The following ZNF804B variants were observed in gnomAD, a reference collection of about 807,000 sequenced individuals.
The protein encoded by ZNF804B is zinc finger protein 804B, also known as zinc finger 804B.
Under a neutral mutation model 101.4 loss-of-function variants are expected in ZNF804B, and 80 were observed. That is an observed-to-expected ratio of 0.79 (90% CI 0.66 to 0.95). ZNF804B has a LOEUF of 0.95. Ranked by LOEUF, ZNF804B falls within the 40% of genes least tolerant of loss-of-function variation. The pLI is 0.00. For missense variants in ZNF804B, 1,673 were observed against 1,561.9 expected (o/e 1.07, Z -1.20); for synonymous variants, 622 against 558.8 (o/e 1.11, Z -1.59).
At chr7:89,027,229 C>A (rs1488742092) in intron 1 of ZNF804B, among the ~76,000 whole-genome samples, 1 of 151,712 alleles carries the variant, frequency 6.6e-6, no homozygotes, top group Non-Finnish European at 1.5e-5. Flanking sequence ...TGTTTAAATG[C>A]TGCAGAAAAA....
At chr7:89,129,709 A>C (rs576243972) in intron 1 of ZNF804B, among the ~76,000 whole-genome samples, 222 of 152,152 alleles carry the variant, frequency 1.5e-3, no homozygotes, top group African/African-American at 5.0e-3. Flanking sequence ...TTAGAATGTT[A>C]GGCATAGAGA....
chr7:89,189,541 A>G (rs1788425022), intron 1 of ZNF804B, among the ~76,000 whole-genome samples: 1 of 152,166 alleles, frequency 6.6e-6, no homozygotes. Flanking sequence ...GTTATTTTTT[A>G]GGAATCCTCA....
chr7:88,932,452 C>A (rs1026766229), intron 1 of ZNF804B, among the ~76,000 whole-genome samples: 14 of 151,362 alleles, frequency 9.2e-5, no homozygotes, highest in South Asian at 4.2e-4. Context: ...ATAAATGAAA[C>A]AAAAAGCTGA....
chr7:89,090,515 A>G (rs1250997472), intron 1 of ZNF804B, among the ~76,000 whole-genome samples: 4 of 152,088 alleles, frequency 2.6e-5, no homozygotes, highest in Non-Finnish European at 5.9e-5. Flanking sequence ...AACCCAAAAT[A>G]TTGTATATAG....
chr7:89,257,784 C>T (rs1444636665), intron 2 of ZNF804B, among the ~76,000 whole-genome samples: 2 of 152,078 alleles, frequency 1.3e-5, no homozygotes, highest in African/African-American at 4.8e-5. Context: ...ATCAAGTTGG[C>T]TCTGGTTTCT....
chr7:89,212,023 C>A (rs1320359055), intron 1 of ZNF804B, among the ~76,000 whole-genome samples: 4 of 152,052 alleles, frequency 2.6e-5, no homozygotes, highest in Admixed American at 2.6e-4. Flanking sequence ...AGTTACTTGA[C>A]CAGTGGTTTG....
At chr7:88,794,083 C>G (rs1790428790) in intron 1 of ZNF804B, 1 of 939,090 alleles carries the variant, frequency 1.1e-6, no homozygotes, top group South Asian at 1.9e-5. Context: ...TTGCAATGTT[C>G]TGTTTCTTTT....
chr7:88,829,198 C>T (rs1006620058), intron 1 of ZNF804B, among the ~76,000 whole-genome samples: 1 of 152,078 alleles, frequency 6.6e-6, no homozygotes, highest in African/African-American at 2.4e-5. Flanking sequence ...TCCTGGGCTC[C>T]TCCCACCTCA....
rs190408689 is a variant in ZNF804B, at chr7:89,234,550, G to A, written c.249+16255G>A. ...AGATGGCTGGTGAAGCATTGTTTTT[G>A]GGTATGTCAGTGAGGGCATTTCCAG... On this transcript the variant is annotated intron_variant, in intron 2 of 3. Transcript: ENST00000333190. Among the ~76,000 whole-genome samples the A allele has an allele frequency of 3.6e-3, 550 of 152,168 alleles. 7 individuals carry two copies. The highest frequency in any genetic ancestry group is 0.012 in the African/African-American group (513 of 41,536).
At chr7:89,279,048 C>G (rs1376215484) in intron 2 of ZNF804B, among the ~76,000 whole-genome samples, 1 of 152,060 alleles carries the variant, frequency 6.6e-6, no homozygotes, top group African/African-American at 2.4e-5. Flanking sequence ...TTGTAGTTCT[C>G]CTTGAAGAGG....
chr7:88,845,301 GCACACACACACA>G (rs372272018), intron 1 of ZNF804B, among the ~76,000 whole-genome samples: 3 of 149,920 alleles, frequency 2.0e-5, no homozygotes, highest in Admixed American at 1.3e-4. Flanking sequence ...GCACGCGCGC[GCACACACACACA>G]CACACACAAT....
chr7:89,284,240 A>G (rs1790144815), intron 2 of ZNF804B, among the ~76,000 whole-genome samples: 1 of 152,232 alleles, frequency 6.6e-6, no homozygotes, highest in South Asian at 2.1e-4. Context: ...CCACTTAAAA[A>G]TGCCTTGTGA....
Position 89,327,430 on chromosome 7 carries a change from T to TA in ZNF804B, c.339dup (p.Arg114ThrfsTer7). On this transcript the variant is annotated frameshift_variant, in exon 3 of 4. Coordinates refer to ENST00000333190, the MANE Select transcript of ZNF804B (RefSeq NM_181646.5). LOFTEE classifies it high-confidence loss of function. ...ATGAGAAAAAACAAGAAAAAGCACTTAAACGACTTCATCAGCTGGCTGAGT... is the reference window on the plus strand; with the variant it reads ...ATGAGAAAAAACAAGAAAAAGCACTTAAAACGACTTCATCAGCTGGCTGAGT... 1.2e-6 allele frequency: 2 copies of TA among 1,611,500 alleles called. No individual in the cohort carries two copies. Among genetic ancestry groups the TA allele is most frequent in the Non-Finnish European group, 1.7e-6 (2 of 1,178,538 alleles).
intron 3 of ZNF804B, among the ~76,000 whole-genome samples, chr7:89,332,351 T>C (rs879761966): frequency 1.3e-5 from 2 of 151,822 alleles, no homozygotes; most frequent in Non-Finnish European, 2.9e-5. Flanking sequence ...GAGATACCAG[T>C]TGGCTTAGTA....
intron 1 of ZNF804B, among the ~76,000 whole-genome samples, chr7:89,056,432 A>G (rs183191390): frequency 5.8e-4 from 88 of 152,230 alleles, no homozygotes; most frequent in Non-Finnish European, 1.0e-3. Context: ...GTTTGAGGAA[A>G]ATAGACAGTA....
chr7:89,059,508 C>T (rs569380633), intron 1 of ZNF804B, among the ~76,000 whole-genome samples: 1 of 152,042 alleles, frequency 6.6e-6, no homozygotes, highest in Non-Finnish European at 1.5e-5. Flanking sequence ...AGCAAGAACT[C>T]ACTCATCACC....
chr7:88,868,821 T>C (rs1350885330), intron 1 of ZNF804B, among the ~76,000 whole-genome samples: 1 of 152,204 alleles, frequency 6.6e-6, no homozygotes, highest in Non-Finnish European at 1.5e-5. Context: ...AAATGCTAGT[T>C]TGAAAAAGAC....
intron 2 of ZNF804B, among the ~76,000 whole-genome samples, chr7:89,220,150 CATATATATAT>C (rs1554380284): frequency 2.0e-5 from 1 of 50,238 alleles, no homozygotes; most frequent in Non-Finnish European, 4.4e-5. Flanking sequence ...TGTGTATATA[CATATATATAT>C]ACGCACATAT....
chr7:89,318,236 T>C lies in ZNF804B; in HGVS notation c.250-9108T>C, dbSNP rs139964264. On this transcript the variant is annotated intron_variant, in intron 2 of 3. Transcript: ENST00000333190. ...TTTGGGTGGCAGGGGCTAATAGGAA[T>C]GGAAAGAGGAGGAGGCAAACAATCT... Among the ~76,000 whole-genome samples the C allele has an allele frequency of 5.4e-3, 821 of 152,210 alleles. 11 individuals carry two copies. Among genetic ancestry groups the C allele is most frequent in the African/African-American group, 0.019 (784 of 41,516 alleles).
Sources: allele counts gnomAD v4.1 joint callset (sites outside exome capture counted in the v4.1 genomes callset), GRCh38; gene constraint gnomAD v4.1.1; transcripts MANE v1.5; gene names NCBI Gene and HGNC (gene_info 2026-07-23, HGNC 2026-07-21).